The following SYNE3 variants were observed in gnomAD, a reference collection of about 807,000 sequenced individuals.
The protein encoded by SYNE3 is spectrin repeat containing nuclear envelope family member 3, also known as nesprin-3.
SYNE3 carries 100 observed loss-of-function variants against 111.2 expected under a neutral mutation model. The observed-to-expected ratio is 0.90, with a 90% confidence interval of 0.77 to 1.06. The LOEUF is 1.06. SYNE3 is among the 50% of genes least tolerant of loss of function. SYNE3 has a pLI of 0.00. For missense variants in SYNE3, 1,160 were observed against 1,240.3 expected (o/e 0.94, Z 0.97); for synonymous variants, 547 against 533.9 (o/e 1.02, Z -0.34).
chr14:95,456,440 C>T (rs1187056655), intron 5 of SYNE3, among the ~76,000 whole-genome samples: 2 of 152,228 alleles, frequency 1.3e-5, no homozygotes, highest in African/African-American at 4.8e-5. Flanking sequence ...CTGGATCGCT[C>T]TGTGCTGTGT....
intron 1 of SYNE3, among the ~76,000 whole-genome samples, chr14:95,493,428 GA>G (rs1237322792): frequency 6.6e-6 from 1 of 152,242 alleles, no homozygotes; most frequent in Non-Finnish European, 1.5e-5. Flanking sequence ...CCAGGAGGCA[GA>G]GCTGGAATTT....
chr14:95,470,994 AAG>A lies in SYNE3; in HGVS notation c.145-3029_145-3028del, dbSNP rs200835044. 0.034 allele frequency among the ~76,000 whole-genome samples: 5,000 copies of A among 147,098 alleles called. 281 individuals carry two copies. The highest frequency in any genetic ancestry group is 0.11 in the African/African-American group (4,652 of 40,676). On this transcript the variant is annotated intron_variant, in intron 2 of 17. Transcript: ENST00000682763. This position sits in a 1 kb window ranked among gnomAD's most constrained non-coding sequence, Gnocchi z 4.2. ...CACGCCGTCTCAGGAAAAAAAAAAA[AAG>A]AAAGTAAGATGATATTTCTGATTCC...
At chr14:95,452,088 T>C (rs1887119925) in intron 7 of SYNE3, 159 bp downstream of exon 7, 1 of 878,206 alleles carries the variant, frequency 1.1e-6, no homozygotes, top group Admixed American at 2.8e-5. Context: ...GGACAGTGTC[T>C]GAGCCAAGTG....
intron 9 of SYNE3, 51 bp downstream of exon 9, chr14:95,445,858 T>C: frequency 1.3e-6 from 2 of 1,596,814 alleles, no homozygotes; most frequent in South Asian, 2.2e-5. Context: ...CAGTGGGTGC[T>C]CCAGCCCCGT....
rs1885904144 is a variant in SYNE3, at chr14:95,433,386, T to A, written c.2562A>T (p.Glu854Asp). The change falls in exon 16 of 18, where the codon GAA becomes GAT. Residue 854 changes from glutamate to aspartate, a missense_variant. Glu to Asp is a conservative substitution (Grantham distance 45). Transcript: ENST00000682763. The stretch of plus-strand genomic sequence containing the variant: ...GGAGGTTCTCAAAGAGATGCTGACC[T>A]TCTGGCACCCGAGCCTCCAGCTCCT... ...KLQELEARVP[E>D]GQHLFENLLR... 6.2e-7 allele frequency: 1 copy of A among 1,614,124 alleles called. No individual in the cohort carries two copies. Among genetic ancestry groups the A allele is most frequent in the African/African-American group, 1.3e-5 (1 of 75,056 alleles).
intron 4 of SYNE3, among the ~76,000 whole-genome samples, chr14:95,463,415 T>C (rs1337123240): frequency 2.0e-5 from 3 of 152,200 alleles, no homozygotes; most frequent in Non-Finnish European, 4.4e-5. Context: ...CGTACAAACA[T>C]GCACACACAC....
chr14:95,451,144 G>A (rs1595205929), intron 7 of SYNE3: 1 of 152,164 alleles, frequency 6.6e-6, no homozygotes, highest in Non-Finnish European at 1.5e-5. Flanking sequence ...CTCACATGAA[G>A]CTGGGATCGC....
At position 95,432,078 on chromosome 14, in the gene SYNE3, C is replaced by A; in HGVS notation, c.2727+1G>T. ...TGTGGAGCAGATGGCAGACACTGTA[C>A]CTTTTGGAATCCAGTCGGCTCCCCT... is the stretch of plus-strand genomic sequence containing the variant. On this transcript the variant is annotated splice_donor_variant, in intron 17 of 17. Transcript: ENST00000682763. LOFTEE classifies it high-confidence loss of function. The A allele has an allele frequency of 1.2e-6, 2 of 1,612,162 alleles. No individual in the cohort carries two copies. Among genetic ancestry groups the A allele is most frequent in the Non-Finnish European group, 1.7e-6 (2 of 1,179,168 alleles).
chr14:95,423,242 T>C (rs1456037986), intron 17 of SYNE3, among the ~76,000 whole-genome samples: 2 of 152,188 alleles, frequency 1.3e-5, no homozygotes, highest in Non-Finnish European at 2.9e-5. Context: ...TGCCCATGGA[T>C]GTAATGATGG....
chr14:95,490,271 C>T (rs1250962550), intron 1 of SYNE3, among the ~76,000 whole-genome samples: 5 of 152,222 alleles, frequency 3.3e-5, no homozygotes, highest in South Asian at 2.1e-4. Flanking sequence ...CATGTTATAA[C>T]GCATAATAGC....
Position 95,513,707 on chromosome 14 carries a change from T to C in SYNE3, c.-15+2889A>G, listed in dbSNP as rs552013362. Reference sequence around the variant, plus strand: ...GGAAACACTGCTGCTCCTGGGTTCCTATCTTTGTGGTCCAGTCAGGCTGCT... The same window carrying C: ...GGAAACACTGCTGCTCCTGGGTTCCCATCTTTGTGGTCCAGTCAGGCTGCT... On this transcript the variant is annotated intron_variant, in intron 1 of 17. Transcript: ENST00000682763. Among the ~76,000 whole-genome samples, 11 of 145,538 alleles carry C rather than the reference T, an allele frequency of 7.6e-5. No individual in the cohort carries two copies. In the East Asian group the frequency reaches 2.2e-3, roughly 29 times the overall value.
chr14:95,449,976 G>C lies in SYNE3; in HGVS notation c.1404C>G (p.Ser468Arg), dbSNP rs754142966. 44 of 1,554,886 alleles carry C rather than the reference G, an allele frequency of 2.8e-5. No individual in the cohort carries two copies. The South Asian group carries it at 5.0e-4, about 18-fold the overall frequency. ...TGTGAAGGGAAGGCAGGTCCGGCAG[G>C]CTGGCAGTGACCTCCAAGAGCCGCT... ...LAQRLLEVTA[S>R]LPDLPSLHTF... is the part of the protein sequence containing the mutation. The change falls in exon 8 of 18, where the codon AGC (serine) becomes AGG (arginine). Residue 468 changes from serine (S) to arginine (R), a missense_variant. Coordinates refer to ENST00000682763, the MANE Select transcript of SYNE3 (RefSeq NM_152592.6).
In SYNE3 at chr14:95,467,777, A is replaced by G. The variant is rs1403306252; in HGVS notation, c.317+18T>C. ...GAGGGTAAATGGCAGCTGTGGACAA[A>G]GGCCCTGGATGCCCTACCTGTGACA... is the stretch of plus-strand genomic sequence containing the variant. On this transcript the variant is annotated intron_variant, in intron 3 of 17. Coordinates refer to ENST00000682763, the MANE Select transcript of SYNE3 (RefSeq NM_152592.6). 6.2e-7 allele frequency: 1 copy of G among 1,613,660 alleles called. No individual in the cohort carries two copies. The highest frequency in any genetic ancestry group is 8.5e-7 in the Non-Finnish European group (1 of 1,179,782).
chr14:95,484,816 A>G (rs990409769), intron 1 of SYNE3, among the ~76,000 whole-genome samples: 1 of 152,216 alleles, frequency 6.6e-6, no homozygotes, highest in Non-Finnish European at 1.5e-5. Flanking sequence ...TTGCATATGT[A>G]TAAATGTAGA....
chr14:95,464,411 G>T (rs142667042), intron 4 of SYNE3, among the ~76,000 whole-genome samples: 1,541 of 152,192 alleles, frequency 0.01, 20 homozygotes, highest in African/African-American at 0.035. Context: ...AAAAGACAGA[G>T]CCTCAAGTGG....
At chr14:95,489,243 G>A (rs1325802942) in intron 1 of SYNE3, among the ~76,000 whole-genome samples, 5 of 152,186 alleles carry the variant, frequency 3.3e-5, no homozygotes, top group Non-Finnish European at 5.9e-5. Context: ...GGCTTTCTGA[G>A]CTCCCCAGCA....
At chr14:95,494,571 G>T (rs1465938314) in intron 1 of SYNE3, among the ~76,000 whole-genome samples, 7 of 152,148 alleles carry the variant, frequency 4.6e-5, no homozygotes, top group African/African-American at 1.4e-4. Context: ...ATTCCAAAGG[G>T]TTGTGTGGGT....
chr14:95,468,055 C>T, intron 2 of SYNE3, 88 bp from the exon 3 acceptor site: 1 of 1,451,652 alleles, frequency 6.9e-7, no homozygotes, highest in South Asian at 1.3e-5. Context: ...TGCAAAGAGC[C>T]AGGACTCGAA....
Position 95,439,612 on chromosome 14 carries a change from C to T in SYNE3, c.2246G>A (p.Ser749Asn). Residue 749 changes from serine to asparagine, a missense_variant and splice_region_variant, in exon 13 of 18, where the codon AGC (serine) becomes AAC (asparagine). Physicochemically the swap from Ser to Asn is conservative, Grantham distance 46. Transcript: ENST00000682763. ...CTCAGAGCCTAGGAGGCACTCTCACCTCAGCAGACTTTCTTCCAGCAGCCT... is the reference window on the plus strand; with the variant it reads ...CTCAGAGCCTAGGAGGCACTCTCACTTCAGCAGACTTTCTTCCAGCAGCCT... ...ALRLLEESLL[S>N]LIRNWHLQRM... is the part of the protein sequence containing the mutation. 6.2e-7 allele frequency: 1 copy of T among 1,608,350 alleles called. No individual in the cohort carries two copies. Among genetic ancestry groups the T allele is most frequent in the South Asian group, 1.1e-5 (1 of 91,082 alleles).
Sources: gnomAD v4.1 joint callset for allele counts (sites outside exome capture counted in the v4.1 genomes callset) on GRCh38, gnomAD v4.1.1 for gene constraint, Gnocchi (gnomAD v3.1) non-coding constraint, MANE v1.5 for transcripts, NCBI Gene and HGNC (gene_info 2026-07-23, HGNC 2026-07-21) for gene names.